Variants in NAA35 observed in about 807,000 individuals in gnomAD.
NAA35 encodes the protein MAK10 homolog, amino-acid N-acetyltransferase subunit.
NAA35 carries 18 observed loss-of-function variants against 101.7 expected under a neutral mutation model. The ratio of observed to expected loss-of-function variants is 0.18; its 90% CI spans 0.12 to 0.26. The LOEUF is 0.26. Among genes scored for constraint, NAA35 ranks in the 10% least tolerant of loss-of-function variants. The probability of loss-of-function intolerance (pLI) is 1.00; values close to 1 mark genes in which losing one functional copy is unlikely to be tolerated. For missense variants in NAA35, 601 were observed against 886.8 expected, an observed-to-expected ratio of 0.68 and a Z score of 4.09; for synonymous variants, 267 against 273.1, an observed-to-expected ratio of 0.98 and a Z score of 0.22.
chr9:85,959,376 C>T (rs370755431), intron 4 of NAA35, among the ~76,000 whole-genome samples: 1 of 62,684 alleles, frequency 1.6e-5, no homozygotes, highest in Non-Finnish European at 3.4e-5. Flanking sequence ...GACTCTGTCT[C>T]AAAAAAAAAA....
At chr9:85,981,347 C>T (rs1830431637) in intron 11 of NAA35, among the ~76,000 whole-genome samples, 2 of 152,100 alleles carry the variant, frequency 1.3e-5, no homozygotes, top group Non-Finnish European at 2.9e-5. Context: ...TAAATGACTT[C>T]AAAGTAATTT....
intron 19 of NAA35, among the ~76,000 whole-genome samples, 198 bp downstream of exon 19, chr9:86,017,763 T>C (rs1284033162): frequency 6.6e-6 from 1 of 152,242 alleles, no homozygotes; most frequent in East Asian, 1.9e-4. Flanking sequence ...AGACACTTTG[T>C]ACTGAGTACA....
At chr9:85,970,730 T>G (rs1829964909) in intron 6 of NAA35, among the ~76,000 whole-genome samples, 1 of 151,082 alleles carries the variant, frequency 6.6e-6, no homozygotes. Flanking sequence ...CTTCCAAGTG[T>G]CAGATATGAA....
chr9:85,961,216 C>G (rs1829498918), intron 5 of NAA35, among the ~76,000 whole-genome samples: 2 of 152,162 alleles, frequency 1.3e-5, no homozygotes, highest in Admixed American at 6.5e-5. Flanking sequence ...TTTCCACAAA[C>G]ATTTGTCATT....
intron 11 of NAA35, among the ~76,000 whole-genome samples, chr9:85,993,034 C>T (rs1346008422): frequency 6.6e-6 from 1 of 152,154 alleles, no homozygotes; most frequent in East Asian, 1.9e-4. Flanking sequence ...GATATATCTA[C>T]ACAATGGATA....
intron 2 of NAA35, among the ~76,000 whole-genome samples, chr9:85,950,341 G>A (rs1828965179): frequency 6.6e-6 from 1 of 152,178 alleles, no homozygotes; most frequent in South Asian, 2.1e-4. Context: ...CGTCTCCTGG[G>A]TCCAAGCAAC....
intron 5 of NAA35, 152 bp downstream of exon 5, chr9:85,960,019 G>A: frequency 3.9e-6 from 2 of 516,270 alleles, no homozygotes; most frequent in East Asian, 3.0e-5. Flanking sequence ...CCTAGTAATA[G>A]CATTTCATCT....
In NAA35 at chr9:85,977,431, C is replaced by T. The variant is rs750918587; in HGVS notation, c.747C>T (p.Ala249=). 1.2e-6 allele frequency: 2 copies of T among 1,607,788 alleles called. No individual in the cohort carries two copies. The highest frequency in any genetic ancestry group is 1.3e-5 in the African/African-American group (1 of 74,692). Residue 249 remains alanine (A), a synonymous_variant, in exon 10 of 23, where the codon GCC becomes GCT. Coordinates refer to ENST00000361671, the MANE Select transcript of NAA35 (RefSeq NM_024635.4). ...GTGTGTTACTGACAGTGCTTATAGC[C>T]TTTACTAAGAAAGAGGTAAGGGCAT... ...FTRVLLTVLI[A]FTKKETSAVA... is the part of the protein sequence containing the mutation.
At chr9:85,981,535 A>G (rs940384310) in intron 11 of NAA35, among the ~76,000 whole-genome samples, 20 of 152,158 alleles carry the variant, frequency 1.3e-4, no homozygotes, top group African/African-American at 3.4e-4. Context: ...TGACTTTTCT[A>G]TATTTCAGAC....
At chr9:85,945,600 A>G (rs1031338208) in intron 2 of NAA35, among the ~76,000 whole-genome samples, 2 of 150,426 alleles carry the variant, frequency 1.3e-5, no homozygotes, top group African/African-American at 4.9e-5. Context: ...GTCTCGGCTC[A>G]CTCGACCTCC....
At chr9:85,958,875 G>A (rs565018177) in intron 4 of NAA35, among the ~76,000 whole-genome samples, 1 of 152,140 alleles carries the variant, frequency 6.6e-6, no homozygotes, top group Admixed American at 6.5e-5. Flanking sequence ...TAAATTTTGT[G>A]TATTAATATA....
rs1832723573 is a variant in NAA35, at chr9:86,025,004, G to GAAT, written c.*3046_*3048dup. 6.6e-6 allele frequency among the ~76,000 whole-genome samples: 1 copy of GAAT among 152,178 alleles called. No homozygotes were observed. Among genetic ancestry groups the GAAT allele is most frequent in the Admixed American group, 6.5e-5 (1 of 15,278 alleles). ...AGGTGGTGGGACAGGCTGCAGGGAA[G>GAAT]AATACCTCAAAATCATACGAGGCCA... On this transcript the variant is annotated 3_prime_UTR_variant, in exon 23 of 23. Transcript: ENST00000361671.
chr9:86,006,318 G>C (rs1227000989), intron 13 of NAA35, among the ~76,000 whole-genome samples: 1 of 152,202 alleles, frequency 6.6e-6, no homozygotes, highest in African/African-American at 2.4e-5. Flanking sequence ...TTGCCTAAGA[G>C]AAGTGAAATT....
intron 4 of NAA35, 44 bp from the exon 5 acceptor site, chr9:85,959,749 T>TA (rs760458648): frequency 2.1e-6 from 3 of 1,427,502 alleles, no homozygotes; most frequent in Admixed American, 3.9e-5. Flanking sequence ...ACCATAAGTT[T>TA]AAAAAAATTT....
intron 17 of NAA35, chr9:86,015,608 G>T: frequency 2.1e-6 from 1 of 465,120 alleles, no homozygotes; most frequent in Non-Finnish European, 2.8e-6. Flanking sequence ...CAGGTGAACT[G>T]CTGCTGGCCC....
At chr9:86,003,231 A>G (rs1221569046) in intron 12 of NAA35, among the ~76,000 whole-genome samples, 1 of 152,212 alleles carries the variant, frequency 6.6e-6, no homozygotes, top group Non-Finnish European at 1.5e-5. Flanking sequence ...AGTAATGTGC[A>G]TCCAGTTGAC....
chr9:86,016,854 T>G (rs548243062), intron 18 of NAA35, among the ~76,000 whole-genome samples, 179 bp downstream of exon 18: 1 of 152,380 alleles, frequency 6.6e-6, no homozygotes, highest in South Asian at 2.1e-4. Context: ...TTCCTTTCTT[T>G]GCTTTCATTT....
chr9:86,017,393 A>G (rs1832281111), intron 18 of NAA35, 105 bp from the exon 19 acceptor site: 1 of 907,166 alleles, frequency 1.1e-6, no homozygotes, highest in African/African-American at 1.7e-5. Context: ...GTTTTAATTT[A>G]GTATACAAGC....
intron 11 of NAA35, among the ~76,000 whole-genome samples, chr9:85,980,051 C>T (rs920116716): frequency 5.3e-5 from 8 of 152,096 alleles, no homozygotes; most frequent in South Asian, 2.1e-4. Flanking sequence ...TTGGCTGGAG[C>T]GAGTCACAGA....
Sources: allele counts gnomAD v4.1 joint callset (sites outside exome capture counted in the v4.1 genomes callset), GRCh38; gene constraint gnomAD v4.1.1; transcripts MANE v1.5; gene names NCBI Gene and HGNC (gene_info 2026-07-23, HGNC 2026-07-21).